The following CTNNAL1 variants were observed in gnomAD, a reference collection of about 807,000 sequenced individuals.
The protein encoded by CTNNAL1 is alpha-catulin.
A neutral mutation model predicts 93.6 loss-of-function variants in CTNNAL1; 69 were observed. That is an observed-to-expected ratio of 0.74 (90% confidence interval 0.61 to 0.90). The LOEUF is 0.90. CTNNAL1 is among the 40% of genes least tolerant of loss of function. The pLI is 0.00. For synonymous variants in CTNNAL1, 286 were observed against 305.4 expected, an observed-to-expected ratio of 0.94 and a Z score of 0.66; for missense variants, 836 against 862.0, an observed-to-expected ratio of 0.97 and a Z score of 0.38.
intron 12 of CTNNAL1, among the ~76,000 whole-genome samples, chr9:108,953,534 C>G (rs1830618347): frequency 6.9e-6 from 1 of 145,614 alleles, no homozygotes; most frequent in Non-Finnish European, 1.5e-5. Flanking sequence ...ACAAAACACT[C>G]ATGTGTACAC....
intron 6 of CTNNAL1, 46 bp from the exon 7 acceptor site, chr9:108,979,527 C>T: frequency 1.3e-6 from 2 of 1,574,266 alleles, no homozygotes; most frequent in Non-Finnish European, 1.7e-6. Context: ...GTCAATATTC[C>T]CACCTGACCA....
At chr9:108,959,085 C>A (rs180817181) in intron 11 of CTNNAL1, among the ~76,000 whole-genome samples, 1 of 151,640 alleles carries the variant, frequency 6.6e-6, no homozygotes, top group Admixed American at 6.6e-5. Context: ...GTAGGCTGGG[C>A]ATGGTGGCTC....
chr9:108,991,471 T>A (rs374791573), intron 3 of CTNNAL1, among the ~76,000 whole-genome samples: 1 of 152,146 alleles, frequency 6.6e-6, no homozygotes, highest in Non-Finnish European at 1.5e-5. Context: ...TAAATAGATG[T>A]GAAACATATT....
intron 8 of CTNNAL1, among the ~76,000 whole-genome samples, chr9:108,975,031 C>T (rs544642790): frequency 1.3e-5 from 2 of 151,758 alleles, no homozygotes; most frequent in African/African-American, 2.4e-5. Flanking sequence ...GGCGTGGTGG[C>T]GTGCATCTGT....
chr9:108,968,862 T>C (rs906509096), intron 10 of CTNNAL1, among the ~76,000 whole-genome samples: 1 of 152,134 alleles, frequency 6.6e-6, no homozygotes, highest in Non-Finnish European at 1.5e-5. Flanking sequence ...AGGAATCCTT[T>C]TGGCTGACAG....
intron 15 of CTNNAL1, among the ~76,000 whole-genome samples, chr9:108,946,231 G>T (rs925985582): frequency 6.6e-6 from 1 of 151,678 alleles, no homozygotes; most frequent in Non-Finnish European, 1.5e-5. Context: ...CCCGGGAGGC[G>T]GAGGCTGTAG....
rs560707779 is a variant in CTNNAL1 at position 108,994,771 on chromosome 9, T to A, written c.332-1952A>T. 9.8e-5 allele frequency among the ~76,000 whole-genome samples: 15 copies of A among 152,300 alleles called. No homozygotes were observed. In the East Asian group the frequency reaches 2.7e-3, roughly 27 times the overall value. ...TTGGTATGGTGGAAGTGGTGGTATGTCACTCCCAAGCTTAGGTTCTAAAAT... is the reference window on the plus strand; with the variant it reads ...TTGGTATGGTGGAAGTGGTGGTATGACACTCCCAAGCTTAGGTTCTAAAAT... On this transcript the variant is annotated intron_variant, in intron 2 of 18. Transcript: ENST00000325551.
rs370762981 is a variant in CTNNAL1 at position 108,965,528 on chromosome 9, T to C, written c.1441A>G (p.Ile481Val). The C allele has an allele frequency of 1.5e-5, 23 of 1,552,204 alleles. No individual in the cohort carries two copies. The African/African-American group carries it at 2.9e-4, about 20-fold the overall frequency. Reference sequence around the variant, plus strand: ...GTCAATGTTTCAGCAGCAGAAATTATCTAAAGAAACACAATATACACCTGT... The same window carrying C: ...GTCAATGTTTCAGCAGCAGAAATTACCTAAAGAAACACAATATACACCTGT... Reference protein sequence around the residue: ...EETFQVTGQQIISAAETLTLH... With the variant: ...EETFQVTGQQVISAAETLTLH... Residue 481 changes from isoleucine (I) to valine (V), a missense_variant and splice_region_variant, in exon 11 of 19, where the codon ATA becomes GTA. By Grantham distance (29) the Ile-to-Val change is conservative. Coordinates refer to ENST00000325551, the MANE Select transcript of CTNNAL1 (RefSeq NM_003798.4).
chr9:108,951,178 CT>C (rs75266025), intron 14 of CTNNAL1, among the ~76,000 whole-genome samples: 523 of 137,082 alleles, frequency 3.8e-3, no homozygotes, highest in South Asian at 6.1e-3. Context: ...GCCCGGCTAA[CT>C]TTTTTTTTTT....
chr9:108,962,414 G>A (rs372343056), intron 11 of CTNNAL1, among the ~76,000 whole-genome samples: 12 of 152,308 alleles, frequency 7.9e-5, no homozygotes, highest in African/African-American at 2.9e-4. Context: ...AACTTTGGTA[G>A]AAGAAAGGCA....
In CTNNAL1 at chr9:108,990,723, T is replaced by A. The variant is rs201676356; in HGVS notation, c.639+3A>T. Reference sequence around the variant, plus strand: ...AAGATTGTAAAATGTGATGAATACATACATTTTGTCTATCTCCACTCAGAT... The same window carrying A: ...AAGATTGTAAAATGTGATGAATACAAACATTTTGTCTATCTCCACTCAGAT... On this transcript the variant is annotated splice_donor_region_variant and intron_variant, in intron 4 of 18. Transcript: ENST00000325551. 3 of 1,610,058 alleles carry A rather than the reference T, an allele frequency of 1.9e-6. No homozygotes were observed. The East Asian group carries it at 6.7e-5, about 36-fold the overall frequency.
chr9:108,951,407 C>T (rs1483885035), intron 14 of CTNNAL1, among the ~76,000 whole-genome samples: 6 of 152,228 alleles, frequency 3.9e-5, no homozygotes, highest in African/African-American at 1.4e-4. Context: ...ACTGAAGCAA[C>T]CTGCAGGTGT....
intron 1 of CTNNAL1, among the ~76,000 whole-genome samples, chr9:109,001,629 A>G (rs1826833309): frequency 6.6e-6 from 1 of 152,246 alleles, no homozygotes; most frequent in African/African-American, 2.4e-5. Flanking sequence ...AAGCAACCCT[A>G]TGGAGAGTCC....
chr9:108,970,334 A>G, intron 10 of CTNNAL1, 68 bp downstream of exon 10: 3 of 1,391,860 alleles, frequency 2.2e-6, no homozygotes, highest in Non-Finnish European at 2.9e-6. Flanking sequence ...TATACCTTCC[A>G]TCCACACAAC....
chr9:109,005,313 T>C (rs945506139), intron 1 of CTNNAL1, among the ~76,000 whole-genome samples: 3 of 152,156 alleles, frequency 2.0e-5, no homozygotes, highest in Non-Finnish European at 2.9e-5. Flanking sequence ...GCTACCATCT[T>C]GGAAGAGACT....
chr9:108,993,048 AG>A (rs1417913060), intron 2 of CTNNAL1, among the ~76,000 whole-genome samples: 3 of 152,250 alleles, frequency 2.0e-5, no homozygotes, highest in African/African-American at 7.2e-5. Context: ...GCCCTCACCC[AG>A]TTTGAAAAAC....
chr9:108,996,430 CA>C, intron 2 of CTNNAL1, among the ~76,000 whole-genome samples: 1 of 152,252 alleles, frequency 6.6e-6, no homozygotes, highest in East Asian at 1.9e-4. Flanking sequence ...CTATATTTTA[CA>C]ACTCCAGAAG....
At position 108,943,979 on chromosome 9, in the gene CTNNAL1, G is replaced by GCCA. The variant is rs778130522; in HGVS notation, c.1923_1924insTGG (p.Val641_Gln642insTrp). The stretch of plus-strand genomic sequence containing the variant: ...TGTGTTACCTGTTTTGAAAAAGCTT[G>GCCA]AACACTGGAAGTAAGCTTTAAACCC... On this transcript the variant is annotated inframe_insertion, in exon 16 of 19. Transcript: ENST00000325551. 1.9e-6 allele frequency: 3 copies of GCCA among 1,613,712 alleles called. No individual in the cohort carries two copies. The East Asian group carries it at 6.7e-5, about 36-fold the overall frequency.
chr9:108,969,838 TA>T (rs1264295398), intron 10 of CTNNAL1, among the ~76,000 whole-genome samples: 1 of 152,094 alleles, frequency 6.6e-6, no homozygotes, highest in Non-Finnish European at 1.5e-5. Flanking sequence ...TGTTTGTTTT[TA>T]TTTTTTATTT....
Sources: gnomAD v4.1 joint callset for allele counts (sites outside exome capture counted in the v4.1 genomes callset) on GRCh38, gnomAD v4.1.1 for gene constraint, MANE v1.5 for transcripts, NCBI Gene and HGNC (gene_info 2026-07-23, HGNC 2026-07-21) for gene names.